Variants in RBFOX1 observed in about 807,000 individuals in gnomAD.
RBFOX1 encodes the protein RNA binding fox-1 homolog 1, also known as RNA binding protein fox-1 homolog 1.
A neutral mutation model predicts 57.7 loss-of-function variants in RBFOX1; 8 were observed. That is an observed-to-expected ratio of 0.14 (90% CI 0.08 to 0.25). RBFOX1 has a LOEUF of 0.25. Ranked by LOEUF, RBFOX1 falls within the 10% of genes least tolerant of loss-of-function variation. The pLI, the probability that RBFOX1 is intolerant of heterozygous loss-of-function variation, is 1.00. For synonymous variants in RBFOX1, 326 were observed against 222.4 expected (o/e 1.47, Z -4.15); for missense variants, 611 against 548.5 (o/e 1.11, Z -1.14).
At chr16:6,807,610 G>A (rs567081040) in intron 3 of RBFOX1, among the ~76,000 whole-genome samples, 1 of 152,084 alleles carries the variant, frequency 6.6e-6, no homozygotes, top group Non-Finnish European at 1.5e-5. Flanking sequence ...AAGGTCACGA[G>A]ATTGAGACCA....
At chr16:5,723,901 A>G (rs1331947546) in intron 3 of RBFOX1, among the ~76,000 whole-genome samples, 1 of 152,250 alleles carries the variant, frequency 6.6e-6, no homozygotes, top group Non-Finnish European at 1.5e-5. Context: ...ATCTCTTTAA[A>G]GAGCTCAAGT....
intron 2 of RBFOX1, among the ~76,000 whole-genome samples, chr16:5,576,137 C>A (rs918151055): frequency 6.6e-6 from 1 of 152,178 alleles, no homozygotes; most frequent in Non-Finnish European, 1.5e-5. Context: ...GTGCCTGCCA[C>A]CATATCCGGC....
intron 3 of RBFOX1, among the ~76,000 whole-genome samples, chr16:6,744,505 C>T (rs2073098032): frequency 6.6e-6 from 1 of 151,800 alleles, no homozygotes; most frequent in South Asian, 2.1e-4. Context: ...TCTCCAATCG[C>T]AGTGGAATCA....
intron 3 of RBFOX1, among the ~76,000 whole-genome samples, chr16:6,967,978 G>A (rs555049839): frequency 6.6e-6 from 1 of 152,190 alleles, no homozygotes; most frequent in Non-Finnish European, 1.5e-5. Flanking sequence ...GAGGTTGGCA[G>A]TTCTGCTGAT....
At chr16:6,959,717 A>T (rs1211785005) in intron 3 of RBFOX1, among the ~76,000 whole-genome samples, 6 of 152,090 alleles carry the variant, frequency 3.9e-5, no homozygotes, top group African/African-American at 1.2e-4. Flanking sequence ...TAGGCGGATC[A>T]CCTGAGGTCA....
intron 3 of RBFOX1, among the ~76,000 whole-genome samples, chr16:6,978,471 T>G (rs2087726842): frequency 6.6e-6 from 1 of 152,202 alleles, no homozygotes; most frequent in African/African-American, 2.4e-5. Flanking sequence ...TATTACGTTT[T>G]CATTACAGGT....
At chr16:6,608,616 C>G (rs2097984333) in intron 2 of RBFOX1, among the ~76,000 whole-genome samples, 1 of 152,088 alleles carries the variant, frequency 6.6e-6, no homozygotes, top group Non-Finnish European at 1.5e-5. Flanking sequence ...TGGCAAGACC[C>G]CATCTCTACA....
chr16:6,285,561 T>C (rs2076818304), intron 1 of RBFOX1, among the ~76,000 whole-genome samples: 1 of 152,210 alleles, frequency 6.6e-6, no homozygotes, highest in South Asian at 2.1e-4. Context: ...GCTGTTTCTT[T>C]GCCTCACAGA....
intron 1 of RBFOX1, among the ~76,000 whole-genome samples, chr16:6,164,046 CAAA>C (rs886575850): frequency 6.6e-6 from 1 of 152,150 alleles, no homozygotes; most frequent in Non-Finnish European, 1.5e-5. Context: ...TCTTATTTAA[CAAA>C]AATTGCTGAT....
intron 1 of RBFOX1, among the ~76,000 whole-genome samples, chr16:5,252,548 C>G (rs2062479054): frequency 6.6e-6 from 1 of 152,148 alleles, no homozygotes; most frequent in Non-Finnish European, 1.5e-5. Context: ...AGAGAAGATC[C>G]TCTTGGGCTG....
At chr16:7,063,542 C>A (rs1435059968) in intron 4 of RBFOX1, among the ~76,000 whole-genome samples, 1 of 152,144 alleles carries the variant, frequency 6.6e-6, no homozygotes, top group South Asian at 2.1e-4. Context: ...TATTTTTAAG[C>A]CATTTCTCAA....
chr16:5,909,397 C>G (rs1025174550), intron 4 of RBFOX1, among the ~76,000 whole-genome samples: 5 of 151,846 alleles, frequency 3.3e-5, no homozygotes, highest in Non-Finnish European at 7.4e-5. Context: ...CGGCCCAAGC[C>G]CTTTCTAAAA....
intron 4 of RBFOX1, among the ~76,000 whole-genome samples, chr16:7,071,520 G>T (rs1259535802): frequency 6.6e-6 from 1 of 151,684 alleles, no homozygotes; most frequent in Non-Finnish European, 1.5e-5. Flanking sequence ...AGATTTGAAA[G>T]CAACTACAAC....
chr16:5,942,132 T>C (rs2059293117), intron 4 of RBFOX1, among the ~76,000 whole-genome samples: 1 of 152,066 alleles, frequency 6.6e-6, no homozygotes, highest in Non-Finnish European at 1.5e-5. Flanking sequence ...CCAATTTATC[T>C]AGACAGGGGG....
chr16:7,063,299 C>G (rs529331025), intron 4 of RBFOX1, among the ~76,000 whole-genome samples: 1 of 151,994 alleles, frequency 6.6e-6, no homozygotes, highest in South Asian at 2.1e-4. Flanking sequence ...GATATTCCCC[C>G]CAACCCCAGG....
At chr16:6,719,985 C>T (rs112214643) in intron 3 of RBFOX1, among the ~76,000 whole-genome samples, 13,237 of 151,636 alleles carry the variant, frequency 0.087, 809 homozygotes, top group East Asian at 0.27. Context: ...TCCCAGCTAC[C>T]TGGGAGGCTG....
At chr16:7,022,424 A>G (rs2039583621) in intron 3 of RBFOX1, among the ~76,000 whole-genome samples, 4 of 151,970 alleles carry the variant, frequency 2.6e-5, no homozygotes, top group Admixed American at 2.6e-4. Flanking sequence ...CCCAGAGCAT[A>G]TCTTCATGCC....
intron 3 of RBFOX1, among the ~76,000 whole-genome samples, chr16:5,640,231 T>A (rs779233962): frequency 6.6e-6 from 1 of 152,180 alleles, no homozygotes; most frequent in African/African-American, 2.4e-5. Flanking sequence ...CAAGAATCTA[T>A]ATTAATGAAG....
intron 3 of RBFOX1, among the ~76,000 whole-genome samples, chr16:6,741,749 A>G (rs1030565813): frequency 2.0e-5 from 3 of 152,152 alleles, no homozygotes; most frequent in African/African-American, 7.2e-5. Flanking sequence ...ATGTGGAAGA[A>G]AATACTTGCA....
Sources: allele counts gnomAD v4.1 joint callset (sites outside exome capture counted in the v4.1 genomes callset), GRCh38; gene constraint gnomAD v4.1.1; transcripts MANE v1.5; gene names NCBI Gene and HGNC (gene_info 2026-07-23, HGNC 2026-07-21).